Variants in APP observed in about 807,000 individuals in gnomAD.
The protein encoded by APP is amyloid beta precursor protein.
Under a neutral mutation model 101.4 loss-of-function variants are expected in APP, and 31 were observed. The ratio of observed to expected loss-of-function variants is 0.31; its 90% confidence interval spans 0.23 to 0.41. APP has a LOEUF of 0.41. Among genes scored for constraint, APP ranks in the 10% least tolerant of loss-of-function variants. The probability of loss-of-function intolerance (pLI) is 1.00; values close to 1 mark genes in which losing one functional copy is unlikely to be tolerated. For missense variants in APP, 839 were observed against 1,003.7 expected (o/e 0.84, Z 2.22); for synonymous variants, 366 against 364.4 (o/e 1.00, Z -0.05).
At chr21:25,975,636 T>C (rs1280886171) in intron 10 of APP, among the ~76,000 whole-genome samples, 1 of 152,188 alleles carries the variant, frequency 6.6e-6, no homozygotes, top group Non-Finnish European at 1.5e-5. Flanking sequence ...CATCAAAAAT[T>C]CAAATTCTCA....
intron 3 of APP, among the ~76,000 whole-genome samples, chr21:26,057,434 A>T (rs1422816592): frequency 2.6e-5 from 4 of 152,022 alleles, no homozygotes; most frequent in Non-Finnish European, 4.4e-5. Flanking sequence ...TTTCTTGCTA[A>T]AACAATTCAC....
intron 5 of APP, among the ~76,000 whole-genome samples, chr21:26,027,055 G>A (rs553216844): frequency 1.0e-3 from 158 of 152,230 alleles, no homozygotes; most frequent in African/African-American, 3.3e-3. Context: ...CTGTTAAGAC[G>A]GACTTTTTTC....
At chr21:25,958,608 A>G (rs1306270969) in intron 11 of APP, among the ~76,000 whole-genome samples, 4 of 152,242 alleles carry the variant, frequency 2.6e-5, no homozygotes, top group Middle Eastern at 3.2e-3. Context: ...ACATTTAAAA[A>G]TAAGCACAAA....
intron 7 of APP, among the ~76,000 whole-genome samples, chr21:25,999,427 C>T (rs2242691): frequency 0.019 from 2,938 of 152,276 alleles, 92 homozygotes; most frequent in African/African-American, 0.066. Flanking sequence ...GTGTGCTGAG[C>T]TCGGAGGGGG....
intron 5 of APP, among the ~76,000 whole-genome samples, chr21:26,046,803 C>T (rs1040629961): frequency 3.3e-5 from 5 of 152,162 alleles, no homozygotes; most frequent in African/African-American, 1.2e-4. Context: ...TTCTGCAGTT[C>T]CAGGTGAGGA....
chr21:26,150,116 C>T (rs1191654880), intron 1 of APP, among the ~76,000 whole-genome samples: 1 of 151,990 alleles, frequency 6.6e-6, no homozygotes, highest in Non-Finnish European at 1.5e-5. Context: ...GAGGGAGCTC[C>T]ACAGAAAAGC....
At chr21:25,926,225 C>T (rs1274475217) in intron 13 of APP, among the ~76,000 whole-genome samples, 1 of 152,198 alleles carries the variant, frequency 6.6e-6, no homozygotes, top group Admixed American at 6.5e-5. Flanking sequence ...ACAGGACAAA[C>T]TTCATTGCTG....
chr21:26,059,371 A>T (rs1568923894), intron 3 of APP, among the ~76,000 whole-genome samples: 1 of 152,188 alleles, frequency 6.6e-6, no homozygotes. Flanking sequence ...AGAGGTAAAG[A>T]TGATTCAAGA....
At position 25,897,957 on chromosome 21, in the gene APP, A is replaced by G. The variant is rs533924052; in HGVS notation, c.1964-284T>C. The G allele has an allele frequency of 8.9e-6, 4 of 446,934 alleles. No homozygotes were observed. The South Asian group carries it at 9.5e-5, about 11-fold the overall frequency. The allele number at this position is 446,934 out of a possible 1,614,324, so 27.7% of individuals were successfully genotyped here. Reference sequence around the variant, plus strand: ...GAAAATGGGGGAAAAGCAGAAGTTAAATCCTGGTTGAGAGGTTGGCAAGGA... The same window carrying G: ...GAAAATGGGGGAAAAGCAGAAGTTAGATCCTGGTTGAGAGGTTGGCAAGGA... On this transcript the variant is annotated intron_variant, in intron 15 of 17. Coordinates refer to ENST00000346798, the MANE Select transcript of APP (RefSeq NM_000484.4).
intron 14 of APP, 102 bp downstream of exon 14, chr21:25,911,639 C>T (rs1376051626): frequency 3.7e-6 from 4 of 1,071,026 alleles, no homozygotes; most frequent in Non-Finnish European, 5.5e-6. Context: ...AAAAAATTCA[C>T]CACTCAAGAA....
At chr21:25,909,607 G>C (rs1404345432) in intron 14 of APP, among the ~76,000 whole-genome samples, 2 of 152,172 alleles carry the variant, frequency 1.3e-5, no homozygotes. Flanking sequence ...ATTCACACGT[G>C]TGCACGCAGA....
chr21:25,983,750 G>A (rs1220414277), intron 8 of APP, among the ~76,000 whole-genome samples: 2 of 152,146 alleles, frequency 1.3e-5, no homozygotes, highest in African/African-American at 2.4e-5. Context: ...CTTTCAAGTG[G>A]AAGGAAGGAG....
chr21:26,045,800 T>C (rs1041936002), intron 5 of APP, among the ~76,000 whole-genome samples: 9 of 152,138 alleles, frequency 5.9e-5, no homozygotes, highest in Non-Finnish European at 1.2e-4. Flanking sequence ...TACATGGCCA[T>C]ACGCACCCAC....
At chr21:26,034,172 G>A (rs2044980928) in intron 5 of APP, among the ~76,000 whole-genome samples, 1 of 152,152 alleles carries the variant, frequency 6.6e-6, no homozygotes, top group African/African-American at 2.4e-5. Flanking sequence ...ATGTCCCACT[G>A]TGATACCATT....
At chr21:26,161,721 T>C (rs2063494564) in intron 1 of APP, among the ~76,000 whole-genome samples, 1 of 152,238 alleles carries the variant, frequency 6.6e-6, no homozygotes. Flanking sequence ...ATCCTCAAAC[T>C]AATTTACTGT....
chr21:25,972,200 T>C (rs543565742), intron 11 of APP, among the ~76,000 whole-genome samples: 8 of 151,956 alleles, frequency 5.3e-5, no homozygotes, highest in Non-Finnish European at 8.8e-5. Flanking sequence ...AATTTCTATA[T>C]ACAACAACTA....
chr21:26,114,690 C>T (rs1042289247), intron 1 of APP, among the ~76,000 whole-genome samples: 1 of 152,068 alleles, frequency 6.6e-6, no homozygotes, highest in Admixed American at 6.5e-5. Context: ...CAAGTAAATG[C>T]TTCATTTTTT....
At chr21:26,028,894 G>C (rs1229398131) in intron 5 of APP, among the ~76,000 whole-genome samples, 1 of 152,146 alleles carries the variant, frequency 6.6e-6, no homozygotes, top group Non-Finnish European at 1.5e-5. Context: ...GCTAATGAAT[G>C]ACTATGATAG....
intron 13 of APP, among the ~76,000 whole-genome samples, chr21:25,938,961 G>C (rs2146424375): frequency 6.6e-6 from 1 of 152,236 alleles, no homozygotes; most frequent in East Asian, 1.9e-4. Flanking sequence ...AGGGCCCCCA[G>C]TTCTGCTCTA....
Sources: allele counts gnomAD v4.1 joint callset (sites outside exome capture counted in the v4.1 genomes callset), GRCh38; gene constraint gnomAD v4.1.1; transcripts MANE v1.5; gene names NCBI Gene and HGNC (gene_info 2026-07-23, HGNC 2026-07-21).